Variants in VKORC1L1 observed in about 807,000 individuals in gnomAD.
The protein encoded by VKORC1L1 is vitamin K epoxide reductase complex subunit 1L1.
In VKORC1L1, 2 loss-of-function variants were observed where a neutral mutation model predicts 18.9. The ratio of observed to expected loss-of-function variants is 0.11; its 90% CI spans 0.04 to 0.33. The LOEUF (loss-of-function observed/expected upper bound fraction) is 0.33. Ranked by LOEUF, VKORC1L1 falls within the 10% of genes least tolerant of loss-of-function variation. The pLI, the probability that VKORC1L1 is intolerant of heterozygous loss-of-function variation, is 1.00. For missense variants in VKORC1L1, 123 were observed against 224.1 expected, an observed-to-expected ratio of 0.55 and a Z score of 2.88; for synonymous variants, 96 against 100.0, an observed-to-expected ratio of 0.96 and a Z score of 0.24.
intron 1 of VKORC1L1, among the ~76,000 whole-genome samples, chr7:65,931,391 T>C (rs1015858302): frequency 2.0e-5 from 3 of 152,196 alleles, no homozygotes; most frequent in Admixed American, 6.5e-5. Context: ...TCAAGATTTT[T>C]AACTAGTAAT....
chr7:65,939,688 T>C (rs1790003062), intron 1 of VKORC1L1, among the ~76,000 whole-genome samples: 1 of 152,150 alleles, frequency 6.6e-6, no homozygotes, highest in South Asian at 2.1e-4. Context: ...GAAACAAGGC[T>C]TAGCAGGAGA....
intron 1 of VKORC1L1, among the ~76,000 whole-genome samples, chr7:65,907,904 A>G (rs1421797252): frequency 1.3e-5 from 2 of 151,920 alleles, no homozygotes; most frequent in Non-Finnish European, 2.9e-5. Context: ...TTCCCGTATC[A>G]AAGACAACAG....
chr7:65,932,516 C>A lies in VKORC1L1; in HGVS notation c.195-16155C>A, dbSNP rs770315936. Among the ~76,000 whole-genome samples, 59 of 152,140 alleles carry A rather than the reference C, an allele frequency of 3.9e-4. 1 individual carries two copies. Among genetic ancestry groups the A allele is most frequent in the Admixed American group, 3.9e-3 (59 of 15,260 alleles). ...TCAGCACTACTTTAGCTGCATAACACCAATTTTAATTTGTTATATTTTTAT... is the reference window on the plus strand; with the variant it reads ...TCAGCACTACTTTAGCTGCATAACAACAATTTTAATTTGTTATATTTTTAT... On this transcript the variant is annotated intron_variant, in intron 1 of 2. Coordinates refer to ENST00000360768, the MANE Select transcript of VKORC1L1 (RefSeq NM_173517.6).
chr7:65,928,543 T>C (rs373347895), intron 1 of VKORC1L1, among the ~76,000 whole-genome samples: 3 of 152,336 alleles, frequency 2.0e-5, no homozygotes, highest in East Asian at 3.9e-4. Flanking sequence ...GTATTTGAGA[T>C]TTATCCGTGT....
At chr7:65,932,377 G>A (rs1195529551) in intron 1 of VKORC1L1, among the ~76,000 whole-genome samples, 1 of 152,082 alleles carries the variant, frequency 6.6e-6, no homozygotes, top group Non-Finnish European at 1.5e-5. Flanking sequence ...AGATTACAGG[G>A]TGAGCCACTA....
intron 1 of VKORC1L1, among the ~76,000 whole-genome samples, chr7:65,881,284 T>A (rs961351750): frequency 4.6e-5 from 7 of 152,242 alleles, no homozygotes; most frequent in East Asian, 3.8e-4. Context: ...TAAATGTTTA[T>A]ACACAGTCAA....
At chr7:65,947,138 AAAAACAAAAC>A (rs199736138) in intron 1 of VKORC1L1, among the ~76,000 whole-genome samples, 1 of 152,264 alleles carries the variant, frequency 6.6e-6, no homozygotes, top group South Asian at 2.1e-4. Context: ...CCTGTCTCAA[AAAAACAAAAC>A]AAAACAAAAC....
At chr7:65,919,311 T>A (rs1583848563) in intron 1 of VKORC1L1, among the ~76,000 whole-genome samples, 1 of 152,198 alleles carries the variant, frequency 6.6e-6, no homozygotes, top group South Asian at 2.1e-4. Flanking sequence ...AATACCAAGC[T>A]ATATGCTGAC....
intron 1 of VKORC1L1, among the ~76,000 whole-genome samples, chr7:65,941,165 A>G (rs1415150352): frequency 6.6e-6 from 1 of 152,190 alleles, no homozygotes; most frequent in African/African-American, 2.4e-5. Flanking sequence ...AGGCTGCAGT[A>G]CAGTGGCACA....
In VKORC1L1 at chr7:65,917,851, A is replaced by G. The variant is rs541572811; in HGVS notation, c.195-30820A>G. ...GTATATTCTCTGAATTTTAATGAACATGTACGCCTAAGTAAGCCAAAACTC... is the reference window on the plus strand; with the variant it reads ...GTATATTCTCTGAATTTTAATGAACGTGTACGCCTAAGTAAGCCAAAACTC... On this transcript the variant is annotated intron_variant, in intron 1 of 2. Coordinates refer to ENST00000360768, the MANE Select transcript of VKORC1L1 (RefSeq NM_173517.6). Among the ~76,000 whole-genome samples the G allele has an allele frequency of 3.9e-5, 6 of 152,350 alleles. No homozygotes were observed. The South Asian group carries it at 1.0e-3, about 26-fold the overall frequency.
At chr7:65,880,092 C>T (rs761657649) in intron 1 of VKORC1L1, among the ~76,000 whole-genome samples, 6 of 152,108 alleles carry the variant, frequency 3.9e-5, no homozygotes, top group Non-Finnish European at 8.8e-5. Context: ...TGGCCTCAAG[C>T]AGTCTTCCCA....
intron 1 of VKORC1L1, among the ~76,000 whole-genome samples, chr7:65,945,320 G>A (rs1455106715): frequency 1.3e-5 from 2 of 151,324 alleles, no homozygotes; most frequent in Admixed American, 6.6e-5. Context: ...GTAAATAAGA[G>A]TGAAAACAGG....
chr7:65,902,390 GA>G (rs2116395312), intron 1 of VKORC1L1, among the ~76,000 whole-genome samples: 1 of 152,290 alleles, frequency 6.6e-6, no homozygotes, highest in East Asian at 1.9e-4. Flanking sequence ...GGCATTAACA[GA>G]AGTTGAGGCA....
At position 65,954,799 on chromosome 7, in the gene VKORC1L1, A is replaced by G. The variant is rs549822986; in HGVS notation, c.*499A>G. On this transcript the variant is annotated 3_prime_UTR_variant, in exon 3 of 3. Coordinates refer to ENST00000360768, the MANE Select transcript of VKORC1L1 (RefSeq NM_173517.6). ...AATCCATTTGTGATATTTGTAAATA[A>G]AGGTAGAAATATTAGATCCATTTCT... 1 of 162,946 alleles carries G rather than the reference A, an allele frequency of 6.1e-6. No homozygotes were observed. The highest frequency in any genetic ancestry group is 5.8e-5 in the Admixed American group (1 of 17,130). 10.1% of individuals were successfully genotyped at this position (162,946 alleles called of 1,614,324 possible).
intron 1 of VKORC1L1, among the ~76,000 whole-genome samples, chr7:65,927,565 G>T (rs1047055347): frequency 6.6e-6 from 1 of 152,192 alleles, no homozygotes; most frequent in Non-Finnish European, 1.5e-5. Context: ...AAGATAAGGT[G>T]TCTGGTGGAC....
intron 1 of VKORC1L1, among the ~76,000 whole-genome samples, chr7:65,897,598 C>CA (rs1789236048): frequency 1.3e-5 from 2 of 150,914 alleles, no homozygotes; most frequent in Admixed American, 1.3e-4. Context: ...AATATAAATT[C>CA]AAAAAAAGAC....
Position 65,954,497 on chromosome 7 carries a change from A to T in VKORC1L1, c.*197A>T. The T allele has an allele frequency of 1.0e-5, 10 of 956,204 alleles. No homozygotes were observed. The South Asian group carries it at 2.3e-4, about 22-fold the overall frequency. The allele number at this position is 956,204 out of a possible 1,614,324, so 59.2% of individuals were successfully genotyped here. ...GTGTCAGTCTTCATTTTAAATATGG[A>T]TACAAAAAGGATACGCCGAGCCAAT... is the stretch of plus-strand genomic sequence containing the variant. On this transcript the variant is annotated 3_prime_UTR_variant, in exon 3 of 3. Transcript: ENST00000360768.
chr7:65,921,773 G>A (rs934678603), intron 1 of VKORC1L1, among the ~76,000 whole-genome samples: 26 of 152,066 alleles, frequency 1.7e-4, no homozygotes, highest in Non-Finnish European at 3.4e-4. Context: ...GCATGAACCC[G>A]GGAGGCGGAG....
intron 1 of VKORC1L1, among the ~76,000 whole-genome samples, chr7:65,874,868 A>G (rs1434005234): frequency 6.6e-6 from 1 of 152,196 alleles, no homozygotes; most frequent in African/African-American, 2.4e-5. Context: ...AAAAAAGTGT[A>G]TTTAGCATAC....
Sources: allele counts gnomAD v4.1 joint callset (sites outside exome capture counted in the v4.1 genomes callset), GRCh38; gene constraint gnomAD v4.1.1; transcripts MANE v1.5; gene names NCBI Gene and HGNC (gene_info 2026-07-23, HGNC 2026-07-21).